The following BMS1 variants were observed in gnomAD, a reference collection of about 807,000 sequenced individuals.
BMS1 encodes the protein ribosome biogenesis protein BMS1 homolog.
In BMS1, 53 loss-of-function variants were observed where a neutral mutation model predicts 138.7. The observed-to-expected ratio is 0.38, with a 90% CI of 0.31 to 0.48. The LOEUF is 0.48. Among genes scored for constraint, BMS1 ranks in the 20% least tolerant of loss-of-function variants. The probability of loss-of-function intolerance (pLI) is 0.97; values close to 1 mark genes in which losing one functional copy is unlikely to be tolerated. For synonymous variants in BMS1, 504 were observed against 539.9 expected (o/e 0.93, Z 0.92); for missense variants, 1,360 against 1,565.5 (o/e 0.87, Z 2.22).
chr10:42,807,036 T>C (rs1842032639), intron 13 of BMS1, among the ~76,000 whole-genome samples: 1 of 150,876 alleles, frequency 6.6e-6, no homozygotes, highest in East Asian at 2.0e-4. Context: ...GTTTCACTTA[T>C]GTGTGTGTGT....
intron 5 of BMS1, 64 bp downstream of exon 5, chr10:42,790,575 CG>C (rs1389314871): frequency 1.9e-6 from 3 of 1,541,724 alleles, no homozygotes; most frequent in Non-Finnish European, 1.8e-6. Context: ...CTGAAGAGGC[CG>C]GGTGCAGTGG....
At chr10:42,784,261 T>A (rs1348500760) in intron 1 of BMS1, 101 bp from the exon 2 acceptor site, 2 of 844,908 alleles carry the variant, frequency 2.4e-6, no homozygotes, top group Non-Finnish European at 3.5e-6. Context: ...ATACATCATC[T>A]CTTCATAAAG....
At chr10:42,783,263 C>T (rs1488117581) in intron 1 of BMS1, among the ~76,000 whole-genome samples, 1 of 152,192 alleles carries the variant, frequency 6.6e-6, no homozygotes, top group Admixed American at 6.5e-5. Flanking sequence ...GCCCAGCTCT[C>T]CTAACTCCTG....
rs1194744625 is a variant in BMS1 at position 42,831,805 on chromosome 10, C to T, written c.*709C>T. The stretch of plus-strand genomic sequence containing the variant: ...TCGTATGTATCAGTGAGATAGGCTT[C>T]CCGTATTATGCTCATGCGTTATACC... On this transcript the variant is annotated 3_prime_UTR_variant, in exon 23 of 23. Transcript: ENST00000374518. The T allele has an allele frequency of 6.6e-6, 1 of 152,216 alleles. No individual in the cohort carries two copies. The highest frequency in any genetic ancestry group is 1.5e-5 in the Non-Finnish European group (1 of 68,064). 9.4% of individuals were successfully genotyped at this position (152,216 alleles called of 1,614,324 possible). A position where few individuals can be genotyped will look rare whatever the true frequency, so the allele number is the denominator to read the frequency against.
chr10:42,830,506 G>A, intron 22 of BMS1, 84 bp downstream of exon 22: 1 of 1,507,844 alleles, frequency 6.6e-7, no homozygotes, highest in Non-Finnish European at 8.9e-7. Context: ...TTCTACTGTA[G>A]TCTCAGTTAT....
chr10:42,808,291 TTTATTA>T lies in BMS1; in HGVS notation c.2329+6085_2329+6090del, dbSNP rs869061867. On this transcript the variant is annotated intron_variant, in intron 13 of 22. Transcript: ENST00000374518. ...TATTTTTTATTTATTTATTTATTTATTTATTATTATTATTATTTGTTTTTTGAGACA... is the reference window on the plus strand; with the variant it reads ...TATTTTTTATTTATTTATTTATTTATTTATTATTATTTGTTTTTTGAGACA... Among the ~76,000 whole-genome samples, 110 of 115,226 alleles carry T rather than the reference TTTATTA, an allele frequency of 9.5e-4. 1 individual carries two copies. The highest frequency in any genetic ancestry group is 3.7e-3 in the African/African-American group (105 of 28,690). 75.6% of individuals were successfully genotyped at this position (115,226 alleles called of 152,430 possible). A position where few individuals can be genotyped will look rare whatever the true frequency, so the allele number is the denominator to read the frequency against.
chr10:42,787,681 A>C (rs1296718101), intron 4 of BMS1, among the ~76,000 whole-genome samples: 1 of 152,234 alleles, frequency 6.6e-6, no homozygotes, highest in African/African-American at 2.4e-5. Context: ...TGTAGTTTAC[A>C]TAAGATGAAA....
At chr10:42,830,045 G>T (rs1588765278) in intron 21 of BMS1, among the ~76,000 whole-genome samples, 1 of 152,254 alleles carries the variant, frequency 6.6e-6, no homozygotes, top group East Asian at 1.9e-4. Flanking sequence ...AGTTGTAAGT[G>T]TAAGCTGTCT....
At chr10:42,792,446 G>C (rs1457115989) in intron 6 of BMS1, 47 bp from the exon 7 acceptor site, 1 of 1,601,964 alleles carries the variant, frequency 6.2e-7, no homozygotes. Flanking sequence ...AGGAGGTATA[G>C]GAACTTTTGG....
Position 42,784,558 on chromosome 10 carries a change from G to A in BMS1, c.164G>A (p.Arg55Gln), listed in dbSNP as rs764818907. The change falls in exon 2 of 23, where the codon CGA becomes CAA. Residue 55 changes from arginine (R) to glutamine (Q), a missense_variant. This residue lies in a region of BMS1 where 238 missense variants were observed against 311.1 expected (regional missense o/e 0.77). Transcript: ENST00000374518. ...GTTCAGTCTGCTGTGCGGATGGCTC[G>A]ATCCTTTCACAGGTATGTTAGGCTA... ...FAVQSAVRMARSFHRTQDLKT... is the reference protein window; with the variant it reads ...FAVQSAVRMAQSFHRTQDLKT... 40 of 1,611,734 alleles carry A rather than the reference G, an allele frequency of 2.5e-5. No individual in the cohort carries two copies. In the African/African-American group the frequency reaches 3.3e-4, roughly 13 times the overall value.
intron 6 of BMS1, among the ~76,000 whole-genome samples, chr10:42,792,022 G>A (rs373295685): frequency 2.6e-5 from 4 of 152,152 alleles, no homozygotes; most frequent in East Asian, 3.8e-4. Flanking sequence ...CCCATCCTAC[G>A]TTCAGCCTCA....
At position 42,816,683 on chromosome 10, in the gene BMS1, G is replaced by A. The variant is rs550719980; in HGVS notation, c.2403+11G>A. The stretch of plus-strand genomic sequence containing the variant: ...GGCCCCAATACTCAGGTATGACTTT[G>A]TCGTAGCTGGCTGTTCTTGGTCATT... On this transcript the variant is annotated intron_variant, in intron 14 of 22. Transcript: ENST00000374518. The A allele has an allele frequency of 6.2e-7, 1 of 1,605,372 alleles. No homozygotes were observed. Among genetic ancestry groups the A allele is most frequent in the South Asian group, 1.1e-5 (1 of 89,958 alleles).
At chr10:42,801,648 A>G (rs1255792414) in intron 12 of BMS1, among the ~76,000 whole-genome samples, 1 of 152,188 alleles carries the variant, frequency 6.6e-6, no homozygotes, top group Non-Finnish European at 1.5e-5. Context: ...CATATTCTTC[A>G]TATTGTTTGC....
At chr10:42,821,321 GA>G (rs1349293959) in intron 18 of BMS1, among the ~76,000 whole-genome samples, 1 of 152,032 alleles carries the variant, frequency 6.6e-6, no homozygotes, top group Non-Finnish European at 1.5e-5. Context: ...GCCGTGCAGG[GA>G]GTCCATTTTC....
At chr10:42,807,754 TA>T (rs1842054166) in intron 13 of BMS1, among the ~76,000 whole-genome samples, 2 of 152,228 alleles carry the variant, frequency 1.3e-5, no homozygotes, top group African/African-American at 4.8e-5. Flanking sequence ...ATTGAGCTAC[TA>T]TGAACACTTG....
chr10:42,785,362 G>A, intron 2 of BMS1, 120 bp from the exon 3 acceptor site: 7 of 738,574 alleles, frequency 9.5e-6, no homozygotes, highest in Non-Finnish European at 1.5e-5. Context: ...TCTATAAAAT[G>A]TGCTAAAGTA....
intron 13 of BMS1, among the ~76,000 whole-genome samples, chr10:42,809,729 G>C (rs1179058937): frequency 2.6e-5 from 4 of 152,132 alleles, no homozygotes; most frequent in Non-Finnish European, 5.9e-5. Context: ...TTTGGTGTCA[G>C]TTGATATGAT....
At chr10:42,809,142 T>C (rs921715803) in intron 13 of BMS1, among the ~76,000 whole-genome samples, 2 of 152,146 alleles carry the variant, frequency 1.3e-5, no homozygotes, top group African/African-American at 2.4e-5. Flanking sequence ...ACACAGTATA[T>C]TTATTTATTT....
rs894185197 is a variant in BMS1 at position 42,796,970 on chromosome 10, A to T, written c.1726A>T (p.Thr576Ser). ...GCTGATGAAGAAAGCAGCTCTCCCC[A>T]CTTTCGATTCTGGGCATTGCACAGC... ...SLLMKKAALP[T>S]FDSGHCTAEE... Residue 576 changes from threonine to serine, a missense_variant, in exon 10 of 23, where the codon ACT becomes TCT. Coordinates refer to ENST00000374518, the MANE Select transcript of BMS1 (RefSeq NM_014753.4). The T allele has an allele frequency of 3.1e-6, 5 of 1,614,212 alleles. 1 individual carries two copies. In the African/African-American group the frequency reaches 6.7e-5, roughly 22 times the overall value.
Sources: allele counts gnomAD v4.1 joint callset (sites outside exome capture counted in the v4.1 genomes callset), GRCh38; gene constraint gnomAD v4.1.1; regional missense constraint gnomAD v4.1.1; transcripts MANE v1.5; gene names NCBI Gene and HGNC (gene_info 2026-07-23, HGNC 2026-07-21).